The following CPA6 variants were observed in gnomAD, a reference collection of about 807,000 sequenced individuals.
The protein encoded by CPA6 is carboxypeptidase A6, also known as carboxypeptidase B.
In CPA6, 58 loss-of-function variants were observed where a neutral mutation model predicts 63.3. The observed-to-expected ratio is 0.92, with a 90% CI of 0.74 to 1.14. The LOEUF (loss-of-function observed/expected upper bound fraction) is 1.14. Ranked by LOEUF, CPA6 falls within the 50% of genes most tolerant of loss-of-function variation. The pLI is 0.00. For missense variants in CPA6, 565 were observed against 526.6 expected, an observed-to-expected ratio of 1.07 and a Z score of -0.71; for synonymous variants, 185 against 179.0, an observed-to-expected ratio of 1.03 and a Z score of -0.27.
intron 2 of CPA6, among the ~76,000 whole-genome samples, chr8:67,551,081 G>A (rs933341964): frequency 6.6e-6 from 1 of 151,940 alleles, no homozygotes; most frequent in South Asian, 2.1e-4. Context: ...TTGCTTTTGA[G>A]GGCTTAGTCA....
chr8:67,484,900 G>A (rs1289321354), intron 6 of CPA6, 111 bp from the exon 7 acceptor site: 5 of 544,492 alleles, frequency 9.2e-6, no homozygotes. Flanking sequence ...GGTTTAAAAA[G>A]TCATAAACTA....
rs1208569349 is a variant in CPA6 at position 67,644,136 on chromosome 8, T to G, written c.117-19885A>C. Among the ~76,000 whole-genome samples the G allele has an allele frequency of 5.9e-5, 9 of 151,860 alleles. No homozygotes were observed. In the East Asian group the frequency reaches 1.7e-3, roughly 29 times the overall value. Reference sequence around the variant, plus strand: ...ATTGCTGTCTTATTTTTTTTTTTTTTGAGACAGAGTCTCGCTCTGTCGCCC... The same window carrying G: ...ATTGCTGTCTTATTTTTTTTTTTTTGGAGACAGAGTCTCGCTCTGTCGCCC... On this transcript the variant is annotated intron_variant, in intron 1 of 10. Coordinates refer to ENST00000297770, the MANE Select transcript of CPA6 (RefSeq NM_020361.5).
At chr8:67,647,075 T>G (rs904787077) in intron 1 of CPA6, among the ~76,000 whole-genome samples, 54 of 152,022 alleles carry the variant, frequency 3.6e-4, no homozygotes, top group African/African-American at 1.3e-3. Flanking sequence ...TAGGAGACAA[T>G]TGACACAGCC....
At position 67,511,626 on chromosome 8, in the gene CPA6, A is replaced by C. The variant is rs776114445; in HGVS notation, c.347T>G (p.Leu116Arg). ...GGTGTGCAAGCTGCTTCCCTTCTCC[A>C]GTGTTTTCTGAAGATCTTCTATGAG... ...KVLIEDLQKT[L>R]EKGSSLHTQR... Residue 116 changes from leucine to arginine, a missense_variant, in exon 4 of 11, where the codon CTG (leucine) becomes CGG (arginine). Transcript: ENST00000297770. 1 of 1,611,708 alleles carries C rather than the reference A, an allele frequency of 6.2e-7. No individual in the cohort carries two copies. Among genetic ancestry groups the C allele is most frequent in the South Asian group, 1.1e-5 (1 of 91,014 alleles).
In CPA6 at chr8:67,440,848, C is replaced by T. The variant is rs114229926; in HGVS notation, c.839-6608G>A. 2.9e-3 allele frequency among the ~76,000 whole-genome samples: 440 copies of T among 152,244 alleles called. 4 individuals are homozygous for T. The highest frequency in any genetic ancestry group is 0.01 in the African/African-American group (429 of 41,538). On this transcript the variant is annotated intron_variant, in intron 8 of 10. Transcript: ENST00000297770. ...TACATACAATCACTGTTGACAAAAA[C>T]ATTGTCATGTGGTGCATGACTGTAC...
At chr8:67,486,086 A>G (rs2128961529) in intron 6 of CPA6, among the ~76,000 whole-genome samples, 1 of 152,308 alleles carries the variant, frequency 6.6e-6, no homozygotes, top group South Asian at 2.1e-4. Context: ...ATGTTTGTTG[A>G]ATTTTAGCAA....
chr8:67,674,850 A>C (rs970534116), intron 1 of CPA6, among the ~76,000 whole-genome samples: 25 of 152,230 alleles, frequency 1.6e-4, no homozygotes, highest in African/African-American at 5.8e-4. Flanking sequence ...CATGAAAAAA[A>C]CCAAAAGCAT....
chr8:67,588,591 T>A (rs1383365653), intron 2 of CPA6, among the ~76,000 whole-genome samples: 3 of 152,164 alleles, frequency 2.0e-5, no homozygotes, highest in Admixed American at 6.5e-5. Context: ...TGGCAGAAAT[T>A]CTATAGCCCT....
chr8:67,469,238 C>A (rs1349484912), intron 8 of CPA6, among the ~76,000 whole-genome samples: 2 of 152,146 alleles, frequency 1.3e-5, no homozygotes, highest in Admixed American at 1.3e-4. Context: ...ACATTTAAAT[C>A]AGTGGGCTTT....
chr8:67,522,336 C>A (rs1812276614), intron 2 of CPA6, among the ~76,000 whole-genome samples: 1 of 152,090 alleles, frequency 6.6e-6, no homozygotes, highest in Non-Finnish European at 1.5e-5. Context: ...TCCTGTGGCT[C>A]AATAAAATTT....
chr8:67,443,634 A>G (rs1026825117), intron 8 of CPA6, among the ~76,000 whole-genome samples: 26 of 152,118 alleles, frequency 1.7e-4, no homozygotes, highest in Admixed American at 1.6e-3. Context: ...GAAACCCCAT[A>G]CTTTTTAGCA....
intron 1 of CPA6, among the ~76,000 whole-genome samples, chr8:67,683,081 G>A (rs979403541): frequency 2.0e-5 from 3 of 152,144 alleles, no homozygotes; most frequent in Non-Finnish European, 2.9e-5. Flanking sequence ...GCTTCCCCCC[G>A]GTCTGCTGCT....
chr8:67,492,468 T>TTATAAGG (rs1159799586), intron 6 of CPA6, among the ~76,000 whole-genome samples: 1 of 150,758 alleles, frequency 6.6e-6, no homozygotes, highest in Admixed American at 6.6e-5. Flanking sequence ...AAACTACCCT[T>TTATAAGG]TATAAGGTTT....
At chr8:67,711,635 C>G (rs546819154) in intron 1 of CPA6, among the ~76,000 whole-genome samples, 1 of 148,862 alleles carries the variant, frequency 6.7e-6, no homozygotes, top group African/African-American at 2.5e-5. Context: ...TATATGTATG[C>G]GTGTGGTATG....
intron 1 of CPA6, among the ~76,000 whole-genome samples, chr8:67,679,227 A>G (rs140610610): frequency 0.017 from 2,648 of 152,358 alleles, 31 homozygotes; most frequent in Middle Eastern, 0.051. Flanking sequence ...TTACAAAACA[A>G]AAGCCCCGAA....
chr8:67,596,889 T>C (rs942994143), intron 2 of CPA6, among the ~76,000 whole-genome samples: 2 of 152,200 alleles, frequency 1.3e-5, no homozygotes, highest in African/African-American at 4.8e-5. Context: ...GATATTTTCC[T>C]CATGATTAGA....
chr8:67,648,237 T>C (rs1380716067), intron 1 of CPA6, among the ~76,000 whole-genome samples: 1 of 150,956 alleles, frequency 6.6e-6, no homozygotes, highest in East Asian at 1.9e-4. Flanking sequence ...TCAGAAATAG[T>C]ATTCAAATTT....
At chr8:67,633,702 A>G (rs977256449) in intron 1 of CPA6, among the ~76,000 whole-genome samples, 2 of 149,960 alleles carry the variant, frequency 1.3e-5, no homozygotes, top group African/African-American at 4.9e-5. Context: ...AAAAAAATCA[A>G]TTTTCTTCGT....
chr8:67,681,291 G>C (rs1360414861), intron 1 of CPA6, among the ~76,000 whole-genome samples: 1 of 140,158 alleles, frequency 7.1e-6, no homozygotes, highest in Non-Finnish European at 1.5e-5. Flanking sequence ...CTCACTGCAA[G>C]CTCCGCTTCC....
Sources: gnomAD v4.1 joint callset for allele counts (sites outside exome capture counted in the v4.1 genomes callset) on GRCh38, gnomAD v4.1.1 for gene constraint, MANE v1.5 for transcripts, NCBI Gene and HGNC (gene_info 2026-07-23, HGNC 2026-07-21) for gene names.